The following MPRIP variants were observed in gnomAD, a reference collection of about 807,000 sequenced individuals.
MPRIP encodes myosin phosphatase Rho-interacting protein.
In MPRIP, 59 loss-of-function variants were observed where a neutral mutation model predicts 234.9. The ratio of observed to expected loss-of-function variants is 0.25; its 90% confidence interval spans 0.20 to 0.31. The LOEUF (loss-of-function observed/expected upper bound fraction) is 0.31, where lower values mean the gene tolerates loss of function less well. Among genes scored for constraint, MPRIP ranks in the 10% least tolerant of loss-of-function variants. The pLI is 1.00. For missense variants in MPRIP, 2,436 were observed against 3,071.0 expected, an observed-to-expected ratio of 0.79 and a Z score of 4.89; for synonymous variants, 1,144 against 1,263.9, an observed-to-expected ratio of 0.91 and a Z score of 2.01.
At chr17:17,065,951 T>C (rs1290128300) in intron 1 of MPRIP, among the ~76,000 whole-genome samples, 2 of 152,226 alleles carry the variant, frequency 1.3e-5, no homozygotes, top group Non-Finnish European at 2.9e-5. Flanking sequence ...TGTCCACGTG[T>C]CCGTTGCTAG....
At chr17:17,048,711 A>G (rs1470765564) in intron 1 of MPRIP, among the ~76,000 whole-genome samples, 1 of 152,228 alleles carries the variant, frequency 6.6e-6, no homozygotes, top group African/African-American at 2.4e-5. Context: ...TGAAGAAGTT[A>G]TAACTCTTGC....
At chr17:17,052,646 AGT>A (rs1418808957) in intron 1 of MPRIP, among the ~76,000 whole-genome samples, 1 of 152,118 alleles carries the variant, frequency 6.6e-6, no homozygotes, top group Non-Finnish European at 1.5e-5. Flanking sequence ...TTAGTTCTTG[AGT>A]GTGTGGTGGG....
In MPRIP at chr17:17,096,353, A is replaced by G. The variant is rs548240892; in HGVS notation, c.267+18277A>G. 5.5e-4 allele frequency among the ~76,000 whole-genome samples: 79 copies of G among 144,766 alleles called. 1 individual carries two copies. Among genetic ancestry groups the G allele is most frequent in the African/African-American group, 1.1e-3 (42 of 38,534 alleles). 95.0% of individuals were successfully genotyped at this position (144,766 alleles called of 152,430 possible). ...TGTGTGTGTGTGTGTCTCAGAGTCAATGCACATGCCTGCCAGGGGACCTGT... is the reference window on the plus strand; with the variant it reads ...TGTGTGTGTGTGTGTCTCAGAGTCAGTGCACATGCCTGCCAGGGGACCTGT... On this transcript the variant is annotated intron_variant, in intron 3 of 23. Transcript: ENST00000651222.
chr17:17,122,269 C>G (rs2090403774), intron 3 of MPRIP, among the ~76,000 whole-genome samples: 1 of 152,214 alleles, frequency 6.6e-6, no homozygotes, highest in Non-Finnish European at 1.5e-5. Context: ...ACACTCCCAC[C>G]AACAGTGTAT....
In MPRIP at chr17:17,167,656, A is replaced by G; in HGVS notation, c.6065A>G (p.Glu2022Gly). ...GAGGAGGAGCTGAGGACCCTGCAGG[A>G]GCACTACTCGCAGAGCCTGAGGTGC... is the stretch of plus-strand genomic sequence containing the variant. ...IHEEELRTLQEHYSQSLRCLQ... is the reference protein window; with the variant it reads ...IHEEELRTLQGHYSQSLRCLQ... Residue 2022 changes from glutamate (E) to glycine (G), a missense_variant, in exon 16 of 24, where the codon GAG becomes GGG. Around this residue, in one of 4 missense-constraint regions of MPRIP, gnomAD observed 1,998 missense variants for 2,520.3 expected, o/e 0.79. Coordinates refer to ENST00000651222, the MANE Select transcript of MPRIP (RefSeq NM_001364716.4). This position sits in a 1 kb window ranked among gnomAD's most constrained non-coding sequence, Gnocchi z 5.9. 7.7e-7 allele frequency: 1 copy of G among 1,304,248 alleles called. No homozygotes were observed. The highest frequency in any genetic ancestry group is 1.0e-6 in the Non-Finnish European group (1 of 988,950). 80.8% of individuals were successfully genotyped at this position (1,304,248 alleles called of 1,614,324 possible). A position where few individuals can be genotyped will look rare whatever the true frequency, so the allele number is the denominator to read the frequency against.
chr17:17,112,768 C>T (rs1197802136), intron 3 of MPRIP, among the ~76,000 whole-genome samples: 2 of 152,234 alleles, frequency 1.3e-5, no homozygotes, highest in African/African-American at 4.8e-5. Flanking sequence ...TGTTTCAGCG[C>T]AGCCGGTGGC....
chr17:17,157,997 C>G (rs1882097120), intron 13 of MPRIP, among the ~76,000 whole-genome samples: 1 of 152,192 alleles, frequency 6.6e-6, no homozygotes, highest in Non-Finnish European at 1.5e-5. Flanking sequence ...CAGGTGCAGC[C>G]TAATGTAGTT....
intron 1 of MPRIP, among the ~76,000 whole-genome samples, chr17:17,061,769 C>T (rs1359380998): frequency 6.6e-6 from 1 of 152,056 alleles, no homozygotes. Flanking sequence ...GGGTGCCTGC[C>T]CCACCCTCAG....
At chr17:17,084,511 A>G (rs1401381893) in intron 3 of MPRIP, among the ~76,000 whole-genome samples, 1 of 152,234 alleles carries the variant, frequency 6.6e-6, no homozygotes, top group Non-Finnish European at 1.5e-5. Flanking sequence ...AGGCCCAGAG[A>G]GATTGCGAGG....
At chr17:17,147,843 C>CT (rs1257934566) in intron 11 of MPRIP, among the ~76,000 whole-genome samples, 1 of 152,122 alleles carries the variant, frequency 6.6e-6, no homozygotes, top group African/African-American at 2.4e-5. Context: ...GATAGATGAG[C>CT]TTTTTTGGGC....
rs765886502 is a variant in MPRIP, at chr17:17,191,278, A to C, written c.*6384A>C. ...GACTTCTGCACAGTAATTTAACGCT[A>C]TCCTAGGGAGACTTGGTTGAAGGCA... On this transcript the variant is annotated 3_prime_UTR_variant, in exon 24 of 24. Coordinates refer to ENST00000651222, the MANE Select transcript of MPRIP (RefSeq NM_001364716.4). 2.0e-5 allele frequency: 3 copies of C among 152,198 alleles called. No individual in the cohort carries two copies. Among genetic ancestry groups the C allele is most frequent in the Admixed American group, 6.5e-5 (1 of 15,272 alleles). The allele number at this position is 152,198 out of a possible 1,614,324, so 9.4% of individuals were successfully genotyped here.
rs762130376 is a variant in MPRIP at position 17,166,781 on chromosome 17, C to T, written c.5190C>T (p.Ala1730=). Residue 1730 remains alanine, a synonymous_variant, in exon 16 of 24, where the codon GCC becomes GCT. Coordinates refer to ENST00000651222, the MANE Select transcript of MPRIP (RefSeq NM_001364716.4). This position sits in a 1 kb window ranked among gnomAD's most constrained non-coding sequence, Gnocchi z 4.4. ...GAGTGATGCAGCAGGTCTTGGAAGC[C>T]CTCAGGCTTCCAGCGGGCCATGAAG... ...FERVMQQVLE[A]LRLPAGHEDG... 21 of 1,304,098 alleles carry T rather than the reference C, an allele frequency of 1.6e-5. No homozygotes were observed. The highest frequency in any genetic ancestry group is 2.1e-5 in the Non-Finnish European group (21 of 988,974). The allele number at this position is 1,304,098 out of a possible 1,614,324, so 80.8% of individuals were successfully genotyped here.
At chr17:17,114,492 A>G (rs2090241408) in intron 3 of MPRIP, among the ~76,000 whole-genome samples, 1 of 152,016 alleles carries the variant, frequency 6.6e-6, no homozygotes, top group African/African-American at 2.4e-5. Flanking sequence ...TGCTAAATCC[A>G]GTGTTACAGG....
chr17:17,144,264 C>T (rs1412551823), intron 9 of MPRIP, among the ~76,000 whole-genome samples: 1 of 152,242 alleles, frequency 6.6e-6, no homozygotes, highest in Non-Finnish European at 1.5e-5. Context: ...TTGCTGCCTG[C>T]ACAGCAGCTC....
chr17:17,152,805 T>TGG (rs1410705008), intron 12 of MPRIP, among the ~76,000 whole-genome samples: 3 of 152,068 alleles, frequency 2.0e-5, no homozygotes, highest in Non-Finnish European at 4.4e-5. Flanking sequence ...ACGGTAAAGC[T>TGG]GGGCAAGAAA....
At chr17:17,114,781 G>A (rs1224173970) in intron 3 of MPRIP, among the ~76,000 whole-genome samples, 1 of 152,072 alleles carries the variant, frequency 6.6e-6, no homozygotes, top group Non-Finnish European at 1.5e-5. Flanking sequence ...AAGCTCCTCT[G>A]GCAGAGGGCC....
intron 19 of MPRIP, among the ~76,000 whole-genome samples, chr17:17,174,728 G>T (rs892006525): frequency 5.3e-5 from 8 of 151,934 alleles, no homozygotes; most frequent in African/African-American, 1.9e-4. Context: ...CCATCTACTG[G>T]GAAGGCTGAG....
intron 19 of MPRIP, 62 bp from the exon 20 acceptor site, chr17:17,175,231 T>G: frequency 6.2e-7 from 1 of 1,610,488 alleles, no homozygotes; most frequent in Non-Finnish European, 8.5e-7. Context: ...CTTCCCGGGT[T>G]GTGTCATGCG....
At chr17:17,100,464 C>T (rs186087090) in intron 3 of MPRIP, among the ~76,000 whole-genome samples, 1 of 152,314 alleles carries the variant, frequency 6.6e-6, no homozygotes, top group African/African-American at 2.4e-5. Context: ...GTTCTGCCAT[C>T]TGTTGGCTCA....
Sources: allele counts gnomAD v4.1 joint callset (sites outside exome capture counted in the v4.1 genomes callset), GRCh38; gene constraint gnomAD v4.1.1; regional missense constraint gnomAD v4.1.1; non-coding constraint Gnocchi (gnomAD v3.1); transcripts MANE v1.5; gene names NCBI Gene and HGNC (gene_info 2026-07-23, HGNC 2026-07-21).